WDR33: variants seen among roughly 807,000 people sequenced by gnomAD.
The protein encoded by WDR33 is WD repeat domain 33, also known as pre-mRNA 3' end processing protein WDR33.
A neutral mutation model predicts 164.9 loss-of-function variants in WDR33; 47 were observed. The observed-to-expected ratio is 0.29, with a 90% CI of 0.23 to 0.36. The LOEUF is 0.36. WDR33 is among the 10% of genes least tolerant of loss of function. The pLI is 1.00. For missense variants in WDR33, 1,137 were observed against 1,754.1 expected (o/e 0.65, Z 6.28); for synonymous variants, 505 against 589.0 (o/e 0.86, Z 2.06).
intron 1 of WDR33, among the ~76,000 whole-genome samples, chr2:127,799,549 C>T (rs1471633823): frequency 8.5e-5 from 13 of 152,144 alleles, no homozygotes; most frequent in Admixed American, 8.5e-4. Context: ...AATCCCAGCA[C>T]TTTGGGAGGC....
At chr2:127,736,442 T>A (rs1386004029) in intron 7 of WDR33, 9 of 985,282 alleles carry the variant, frequency 9.1e-6, no homozygotes, top group Non-Finnish European at 9.6e-6. Flanking sequence ...TTATAAAAAA[T>A]TTTGAAATGT....
chr2:127,783,013 A>C (rs114010805), intron 1 of WDR33, among the ~76,000 whole-genome samples: 3,053 of 152,278 alleles, frequency 0.02, 98 homozygotes, highest in African/African-American at 0.067. Flanking sequence ...TGTCTCAAAA[A>C]CTAATAATAA....
At chr2:127,803,992 T>C (rs1689345548) in intron 1 of WDR33, among the ~76,000 whole-genome samples, 1 of 138,630 alleles carries the variant, frequency 7.2e-6, no homozygotes, top group African/African-American at 2.7e-5. Context: ...AAGGGCCAAA[T>C]ACCTGCTCCT....
At chr2:127,771,754 A>G in intron 1 of WDR33, among the ~76,000 whole-genome samples, 1 of 130,154 alleles carries the variant, frequency 7.7e-6, no homozygotes, top group East Asian at 2.8e-4. Context: ...CTCCAGCCTG[A>G]GTGACAGGGA....
rs1285874055 is a variant in WDR33 at position 127,714,863 on chromosome 2, C to G, written c.2870-842G>C. Among the ~76,000 whole-genome samples, 1 of 152,132 alleles carries G rather than the reference C, an allele frequency of 6.6e-6. No homozygotes were observed. The highest frequency in any genetic ancestry group is 1.9e-4 in the East Asian group (1 of 5,198). On this transcript the variant is annotated intron_variant, in intron 17 of 21. Coordinates refer to ENST00000322313, the MANE Select transcript of WDR33 (RefSeq NM_018383.5). The surrounding 1 kb of genome is among the most constrained non-coding windows in gnomAD (Gnocchi z 4.3). ...TAAATGTTTACCTATTTTTGGTTAA[C>G]ATACAATTTAAATCAAACACTTTTT...
At position 127,718,169 on chromosome 2, in the gene WDR33, T is replaced by C. The variant is rs531917900; in HGVS notation, c.2761-906A>G. ...GGAAGACCTACTTTAGAATAGTAGA[T>C]AATTTATTTGTTTTAGCTTAGTAGT... On this transcript the variant is annotated intron_variant, in intron 16 of 21. Transcript: ENST00000322313. This position sits in a 1 kb window ranked among gnomAD's most constrained non-coding sequence, Gnocchi z 4.4. 1.6e-4 allele frequency among the ~76,000 whole-genome samples: 25 copies of C among 152,296 alleles called. No individual in the cohort carries two copies. The highest frequency in any genetic ancestry group is 5.5e-4 in the African/African-American group (23 of 41,572).
Position 127,718,476 on chromosome 2 carries a change from AT to A in WDR33, c.2760+788del, listed in dbSNP as rs1410249892. Among the ~76,000 whole-genome samples, 1 of 152,186 alleles carries A rather than the reference AT, an allele frequency of 6.6e-6. No homozygotes were observed. Among genetic ancestry groups the A allele is most frequent in the Admixed American group, 6.5e-5 (1 of 15,272 alleles). ...AGCAGTATTACATCTATTTATGCTC[AT>A]GCAATTCTTTTCGTAATTCACTCCC... On this transcript the variant is annotated intron_variant, in intron 16 of 21. Coordinates refer to ENST00000322313, the MANE Select transcript of WDR33 (RefSeq NM_018383.5). This position sits in a 1 kb window ranked among gnomAD's most constrained non-coding sequence, Gnocchi z 4.4.
chr2:127,777,038 G>A (rs535672354), intron 1 of WDR33, among the ~76,000 whole-genome samples: 1 of 152,302 alleles, frequency 6.6e-6, no homozygotes, highest in South Asian at 2.1e-4. Context: ...AGGGAGGAGA[G>A]ACAAAGAGTT....
chr2:127,731,458 C>G (rs1372129713), intron 7 of WDR33, among the ~76,000 whole-genome samples: 1 of 152,174 alleles, frequency 6.6e-6, no homozygotes, highest in African/African-American at 2.4e-5. Flanking sequence ...CTATCACAAT[C>G]TTAAAGGCAT....
rs1425459780 is a variant in WDR33, at chr2:127,738,414, A to G, written c.725-11637T>C. Among the ~76,000 whole-genome samples, 4 of 152,158 alleles carry G rather than the reference A, an allele frequency of 2.6e-5. No homozygotes were observed. The highest frequency in any genetic ancestry group is 9.7e-5 in the African/African-American group (4 of 41,448). On this transcript the variant is annotated intron_variant, in intron 7 of 21. Transcript: ENST00000322313. The surrounding 1 kb of genome is among the most constrained non-coding windows in gnomAD (Gnocchi z 4.4). ...CCTAAGAATTCCACATAATTTACAC[A>G]GTTACTCCACCTGAAAAGAGGTGAG...
chr2:127,767,780 T>C (rs190278137), intron 4 of WDR33, among the ~76,000 whole-genome samples: 1 of 152,210 alleles, frequency 6.6e-6, no homozygotes, highest in Non-Finnish European at 1.5e-5. Flanking sequence ...GGTACCTTCA[T>C]AGAGCTAAAA....
chr2:127,772,059 G>T (rs1688022296), intron 1 of WDR33, among the ~76,000 whole-genome samples: 1 of 152,002 alleles, frequency 6.6e-6, no homozygotes, highest in Non-Finnish European at 1.5e-5. Context: ...AGACTCTTGG[G>T]CTCAAGAGAT....
At chr2:127,797,055 C>G (rs746518736) in intron 1 of WDR33, among the ~76,000 whole-genome samples, 112 of 152,084 alleles carry the variant, frequency 7.4e-4, no homozygotes, top group Middle Eastern at 3.4e-3. Flanking sequence ...ACATGAATGT[C>G]CATGAATGAT....
At position 127,741,094 on chromosome 2, in the gene WDR33, C is replaced by T. The variant is rs879912314; in HGVS notation, c.725-14317G>A. Among the ~76,000 whole-genome samples the T allele has an allele frequency of 6.6e-6, 1 of 152,190 alleles. No homozygotes were observed. The highest frequency in any genetic ancestry group is 1.5e-5 in the Non-Finnish European group (1 of 68,024). ...GAGGGTAATTATAGGGAGACTTGTC[C>T]AGGTTGTCCCTCCTGACTTCCTGTT... On this transcript the variant is annotated intron_variant, in intron 7 of 21. Transcript: ENST00000322313. The surrounding 1 kb of genome is among the most constrained non-coding windows in gnomAD (Gnocchi z 4.1).
rs1487492331 is a variant in WDR33, at chr2:127,703,384, AAT to A, written c.*2937_*2938del. ...GCATTGGCTTGCACAATTTGAAAGT[AAT>A]GCTTTTCCTGAGCTGGATCCCAGTG... On this transcript the variant is annotated 3_prime_UTR_variant, in exon 22 of 22. Transcript: ENST00000322313. 4 of 167,082 alleles carry A rather than the reference AAT, an allele frequency of 2.4e-5. No homozygotes were observed. Among genetic ancestry groups the A allele is most frequent in the Admixed American group, 1.3e-4 (2 of 15,286 alleles). 10.3% of individuals were successfully genotyped at this position (167,082 alleles called of 1,614,324 possible).
chr2:127,719,199 C>G lies in WDR33; in HGVS notation c.2760+66G>C. 7.4e-7 allele frequency: 1 copy of G among 1,345,742 alleles called. No homozygotes were observed. The highest frequency in any genetic ancestry group is 2.0e-4 in the Middle Eastern group (1 of 5,036). The allele number at this position is 1,345,742 out of a possible 1,614,324, so 83.4% of individuals were successfully genotyped here. A position where few individuals can be genotyped will look rare whatever the true frequency, so the allele number is the denominator to read the frequency against. ...AGCTGTGACCATTTTCCACAATACT[C>G]AGCAGTATTACTTCTGTGCAGAGTG... On this transcript the variant is annotated intron_variant, in intron 16 of 21. Transcript: ENST00000322313. The surrounding 1 kb of genome is among the most constrained non-coding windows in gnomAD (Gnocchi z 6.5).
At chr2:127,725,721 G>T (rs570734603) in intron 8 of WDR33, among the ~76,000 whole-genome samples, 1 of 146,686 alleles carries the variant, frequency 6.8e-6, no homozygotes, top group Non-Finnish European at 1.5e-5. Context: ...GTGACAGAGC[G>T]AGACTCTGTC....
intron 1 of WDR33, among the ~76,000 whole-genome samples, chr2:127,805,066 T>A (rs1421132716): frequency 1.4e-5 from 2 of 144,468 alleles, no homozygotes; most frequent in South Asian, 4.4e-4. Context: ...GTGAAGTTTT[T>A]TCTTTTTTTT....
intron 7 of WDR33, among the ~76,000 whole-genome samples, chr2:127,734,846 A>G (rs900939910): frequency 2.6e-5 from 4 of 152,232 alleles, no homozygotes; most frequent in Admixed American, 6.5e-5. Context: ...ATAAAAACAG[A>G]AAACTCTCTC....
Sources: gnomAD v4.1 joint callset for allele counts (sites outside exome capture counted in the v4.1 genomes callset) on GRCh38, gnomAD v4.1.1 for gene constraint, Gnocchi (gnomAD v3.1) non-coding constraint, MANE v1.5 for transcripts, NCBI Gene and HGNC (gene_info 2026-07-23, HGNC 2026-07-21) for gene names.